PTPRD: variants seen among roughly 807,000 people sequenced by gnomAD.
The protein encoded by PTPRD is protein tyrosine phosphatase receptor type D, also known as receptor-type tyrosine-protein phosphatase delta.
Under a neutral mutation model 214.5 loss-of-function variants are expected in PTPRD, and 34 were observed. That is an observed-to-expected ratio of 0.16 (90% CI 0.12 to 0.21). The LOEUF is 0.21. Ranked by LOEUF, PTPRD falls within the 10% of genes least tolerant of loss-of-function variation. The pLI, the probability that PTPRD is intolerant of heterozygous loss-of-function variation, is 1.00. For synonymous variants in PTPRD, 1,128 were observed against 845.7 expected, an observed-to-expected ratio of 1.33 and a Z score of -5.79; for missense variants, 2,545 against 2,398.7, an observed-to-expected ratio of 1.06 and a Z score of -1.27.
Position 8,399,096 on chromosome 9 carries a change from C to CCTTT in PTPRD, c.4210+5440_4210+5441insAAAG, listed in dbSNP as rs2091888585. 1.5e-5 allele frequency among the ~76,000 whole-genome samples: 2 copies of CCTTT among 137,742 alleles called. 1 individual carries two copies. Among genetic ancestry groups the CCTTT allele is most frequent in the Non-Finnish European group, 3.1e-5 (2 of 64,918 alleles). 90.4% of individuals were successfully genotyped at this position (137,742 alleles called of 152,430 possible). On this transcript the variant is annotated intron_variant, in intron 36 of 45. Coordinates refer to ENST00000381196, the MANE Select transcript of PTPRD (RefSeq NM_002839.4). ...TCCTATTTAGAATAAGCCCACTAAG[C>CCTTT]TTTTTTTTTTTTTTTTTCCTTGAAG... is the stretch of plus-strand genomic sequence containing the variant.
intron 7 of PTPRD, among the ~76,000 whole-genome samples, chr9:9,688,130 C>T (rs79711948): frequency 0.042 from 6,383 of 151,912 alleles, 192 homozygotes; most frequent in Non-Finnish European, 0.057. Flanking sequence ...CTTCCTCAAC[C>T]ATGTGGAATT....
chr9:8,554,308 A>C (rs1188891680), intron 14 of PTPRD, among the ~76,000 whole-genome samples: 1 of 152,198 alleles, frequency 6.6e-6, no homozygotes, highest in African/African-American at 2.4e-5. Flanking sequence ...AATAAATCTG[A>C]TATTGCTAGA....
chr9:8,917,454 C>A (rs2098795365), intron 11 of PTPRD, among the ~76,000 whole-genome samples: 1 of 151,990 alleles, frequency 6.6e-6, no homozygotes, highest in African/African-American at 2.4e-5. Context: ...CAGATTGTTT[C>A]TATTTTCCTC....
At chr9:9,191,172 G>T (rs2099934903) in intron 9 of PTPRD, among the ~76,000 whole-genome samples, 1 of 152,098 alleles carries the variant, frequency 6.6e-6, no homozygotes, top group South Asian at 2.1e-4. Flanking sequence ...GGAGCCTTTG[G>T]TCTGGAAAAA....
At chr9:9,127,928 C>A (rs779246287) in intron 10 of PTPRD, among the ~76,000 whole-genome samples, 2 of 152,180 alleles carry the variant, frequency 1.3e-5, no homozygotes, top group Non-Finnish European at 2.9e-5. Context: ...AATATCTGGT[C>A]TACAAGGTAC....
At chr9:9,257,690 G>A (rs947306713) in intron 9 of PTPRD, among the ~76,000 whole-genome samples, 1 of 151,804 alleles carries the variant, frequency 6.6e-6, no homozygotes, top group African/African-American at 2.4e-5. Flanking sequence ...TCCCAGCTGT[G>A]GGAGGATTGG....
chr9:10,456,293 C>G (rs1235402142), intron 2 of PTPRD, among the ~76,000 whole-genome samples: 1 of 151,860 alleles, frequency 6.6e-6, no homozygotes, highest in Non-Finnish European at 1.5e-5. Flanking sequence ...GTTTAAAAAC[C>G]TGATAATAAT....
At chr9:8,379,333 A>G (rs2084236563) in intron 37 of PTPRD, among the ~76,000 whole-genome samples, 1 of 152,098 alleles carries the variant, frequency 6.6e-6, no homozygotes, top group African/African-American at 2.4e-5. Flanking sequence ...CTTTGCTGGT[A>G]AGCACCTCAG....
intron 11 of PTPRD, among the ~76,000 whole-genome samples, chr9:8,848,562 C>G (rs1374212089): frequency 1.4e-5 from 2 of 143,428 alleles, no homozygotes; most frequent in Non-Finnish European, 3.0e-5. Flanking sequence ...CCAGGCTGGT[C>G]TTAAACTCCT....
chr9:9,676,223 C>A (rs1300942561), intron 7 of PTPRD, among the ~76,000 whole-genome samples: 1 of 151,648 alleles, frequency 6.6e-6, no homozygotes, highest in Non-Finnish European at 1.5e-5. Flanking sequence ...TGTGCCGCAC[C>A]CAGTAACTCG....
intron 7 of PTPRD, among the ~76,000 whole-genome samples, chr9:9,615,290 T>A (rs1593097736): frequency 6.6e-6 from 1 of 152,122 alleles, no homozygotes; most frequent in East Asian, 1.9e-4. Flanking sequence ...CACCAGCACC[T>A]GGACTACCTT....
At position 8,403,348 on chromosome 9, in the gene PTPRD, G is replaced by C. The variant is rs140435813; in HGVS notation, c.4210+1189C>G. 1.1e-3 allele frequency among the ~76,000 whole-genome samples: 172 copies of C among 152,318 alleles called. 1 individual carries two copies. The highest frequency in any genetic ancestry group is 1.7e-3 in the Non-Finnish European group (118 of 68,028). On this transcript the variant is annotated intron_variant, in intron 36 of 45. Coordinates refer to ENST00000381196, the MANE Select transcript of PTPRD (RefSeq NM_002839.4). Reference sequence around the variant, plus strand: ...TGTTTTCTAAAATATCTTCAAGAATGTAAACAGTGAACCTTCAAGTATGAA... The same window carrying C: ...TGTTTTCTAAAATATCTTCAAGAATCTAAACAGTGAACCTTCAAGTATGAA...
At chr9:8,340,998 C>T in intron 41 of PTPRD, 92 bp downstream of exon 41, 2 of 1,296,340 alleles carry the variant, frequency 1.5e-6, no homozygotes, top group Non-Finnish European at 2.1e-6. Context: ...AAGAAAATGT[C>T]TTTGAATGGA....
intron 7 of PTPRD, among the ~76,000 whole-genome samples, chr9:9,651,826 G>GTTTTTTTTTTTTTTTTTTTTTTT (rs869105633): frequency 1.8e-5 from 1 of 55,064 alleles, no homozygotes; most frequent in Non-Finnish European, 3.5e-5. Flanking sequence ...TTCAAGGTTT[G>GTTTTTTTTTTTTTTTTTTTTTTT]TTTTTTTTTT....
chr9:10,484,672 G>A (rs1258300555), intron 2 of PTPRD, among the ~76,000 whole-genome samples: 2 of 151,918 alleles, frequency 1.3e-5, no homozygotes, highest in African/African-American at 2.4e-5. Context: ...GTCTGCCATT[G>A]AGAAATATCT....
At chr9:9,121,652 G>T (rs191498910) in intron 10 of PTPRD, among the ~76,000 whole-genome samples, 58 of 152,144 alleles carry the variant, frequency 3.8e-4, no homozygotes, top group African/African-American at 1.3e-3. Flanking sequence ...AGGATACAAT[G>T]GACTTTGGGG....
At chr9:8,387,513 T>C (rs10815845) in intron 37 of PTPRD, among the ~76,000 whole-genome samples, 31,050 of 152,208 alleles carry the variant, frequency 0.2, 3,742 homozygotes, top group Non-Finnish European at 0.27. Context: ...AATGACTGCT[T>C]GTTACCAGCA....
intron 9 of PTPRD, among the ~76,000 whole-genome samples, chr9:9,185,320 C>A (rs1287050753): frequency 6.6e-6 from 1 of 152,034 alleles, no homozygotes; most frequent in Non-Finnish European, 1.5e-5. Context: ...AGCATGCCTC[C>A]ATGTATTCAT....
chr9:8,425,787 T>C (rs1017067351), intron 35 of PTPRD, among the ~76,000 whole-genome samples: 4 of 152,178 alleles, frequency 2.6e-5, no homozygotes, highest in African/African-American at 7.2e-5. Flanking sequence ...ACTCCTCTTA[T>C]AAACAAAGAA....
Sources: gnomAD v4.1 joint callset for allele counts (sites outside exome capture counted in the v4.1 genomes callset) on GRCh38, gnomAD v4.1.1 for gene constraint, MANE v1.5 for transcripts, NCBI Gene and HGNC (gene_info 2026-07-23, HGNC 2026-07-21) for gene names.